SLC2A9: variants seen among roughly 807,000 people sequenced by gnomAD.
SLC2A9 encodes the protein solute carrier family 2, facilitated glucose transporter member 9.
A neutral mutation model predicts 50.6 loss-of-function variants in SLC2A9; 39 were observed. That is an observed-to-expected ratio of 0.77 (90% confidence interval 0.60 to 1.01). The LOEUF is 1.01. SLC2A9 is among the 50% of genes least tolerant of loss of function. The probability of loss-of-function intolerance (pLI) is 0.00; values close to 1 mark genes in which losing one functional copy is unlikely to be tolerated. For missense variants in SLC2A9, 686 were observed against 677.6 expected (o/e 1.01, Z -0.14); for synonymous variants, 324 against 276.9 (o/e 1.17, Z -1.69).
chr4:9,890,237 C>T (rs1469625623), intron 9 of SLC2A9, among the ~76,000 whole-genome samples: 1 of 152,206 alleles, frequency 6.6e-6, no homozygotes, highest in Non-Finnish European at 1.5e-5. Context: ...TGATATGCAG[C>T]ACCTGGCACT....
chr4:9,854,814 A>G (rs906919200), intron 10 of SLC2A9, among the ~76,000 whole-genome samples: 2 of 152,334 alleles, frequency 1.3e-5, no homozygotes, highest in African/African-American at 2.4e-5. Context: ...TGACATATAC[A>G]AATCAATAGA....
In SLC2A9 at chr4:9,962,920, A is replaced by G. The variant is rs144857144; in HGVS notation, c.681+17672T>C. On this transcript the variant is annotated intron_variant, in intron 5 of 11. Coordinates refer to ENST00000264784, the MANE Select transcript of SLC2A9 (RefSeq NM_020041.3). ...TTCTTTTTTTGTTTTTGCACTGGCT[A>G]TTCCCTGTGCCTGGAATGGTGTTTT... Among the ~76,000 whole-genome samples the G allele has an allele frequency of 2.3e-3, 347 of 152,208 alleles. 1 individual carries two copies. The highest frequency in any genetic ancestry group is 7.7e-3 in the African/African-American group (319 of 41,532).
chr4:9,912,633 A>T (rs961797403), intron 7 of SLC2A9, among the ~76,000 whole-genome samples: 1 of 152,266 alleles, frequency 6.6e-6, no homozygotes, highest in African/African-American at 2.4e-5. Context: ...AGGGTCCATA[A>T]GAGTAAACAT....
At position 9,993,852 on chromosome 4, in the gene SLC2A9, G is replaced by GC. The variant is rs577159114; in HGVS notation, c.410+2928dup. Among the ~76,000 whole-genome samples, 453 of 152,252 alleles carry GC rather than the reference G, an allele frequency of 3.0e-3. 1 individual carries two copies. The highest frequency in any genetic ancestry group is 4.8e-3 in the Non-Finnish European group (328 of 68,006). ...GGCCCATCTCCAGAGACTCTTCCTG[G>GC]CCCCCTTTGCTTCCCTGCCCTCCTT... On this transcript the variant is annotated intron_variant, in intron 3 of 11. Coordinates refer to ENST00000264784, the MANE Select transcript of SLC2A9 (RefSeq NM_020041.3).
intron 3 of SLC2A9, among the ~76,000 whole-genome samples, chr4:9,793,275 C>T (rs1007107256): frequency 7.9e-5 from 12 of 152,258 alleles, no homozygotes; most frequent in East Asian, 1.9e-4. Flanking sequence ...TGTGCAGATG[C>T]GGAAATTGAG....
chr4:9,974,596 A>T (rs1754472175), intron 5 of SLC2A9, among the ~76,000 whole-genome samples: 1 of 152,190 alleles, frequency 6.6e-6, no homozygotes, highest in Admixed American at 6.5e-5. Flanking sequence ...CATTACTGAA[A>T]GAAATCACAG....
chr4:9,806,676 G>C (rs956096649), intron 3 of SLC2A9, among the ~76,000 whole-genome samples: 1 of 152,226 alleles, frequency 6.6e-6, no homozygotes, highest in Non-Finnish European at 1.5e-5. Context: ...GTGTGCATGG[G>C]GGGTGGGAGG....
Position 9,826,357 on chromosome 4 carries a change from T to A in SLC2A9, c.*40A>T, listed in dbSNP as rs1225414307. 1 of 1,599,148 alleles carries A rather than the reference T, an allele frequency of 6.3e-7. No homozygotes were observed. The highest frequency in any genetic ancestry group is 8.6e-7 in the Non-Finnish European group (1 of 1,166,358). On this transcript the variant is annotated 3_prime_UTR_variant, in exon 12 of 12. Coordinates refer to ENST00000264784, the MANE Select transcript of SLC2A9 (RefSeq NM_020041.3). Reference sequence around the variant, plus strand: ...GTGAGATCATCCATGTAGACAATCCTGTTTTTGACATAATTGTCCAACGTG... The same window carrying A: ...GTGAGATCATCCATGTAGACAATCCAGTTTTTGACATAATTGTCCAACGTG...
intron 5 of SLC2A9, among the ~76,000 whole-genome samples, chr4:9,968,569 A>C (rs1394729765): frequency 6.6e-6 from 1 of 152,192 alleles, no homozygotes; most frequent in Non-Finnish European, 1.5e-5. Context: ...GTTCCATGTA[A>C]CCAGGGAATT....
rs145895817 is a variant in SLC2A9 at position 9,806,939 on chromosome 4, T to C, written n.421-7698A>G. Among the ~76,000 whole-genome samples the C allele has an allele frequency of 3.3e-3, 500 of 152,300 alleles. 4 individuals carry two copies. The highest frequency in any genetic ancestry group is 0.011 in the African/African-American group (473 of 41,562). On this transcript the variant is annotated intron_variant and non_coding_transcript_variant, in intron 3 of 3. Transcript: ENST00000503280. ...TTTAAGACTCTTGAAGACTGAAAGA[T>C]ACCAAACTCATCGATTTCCTCCTGA...
intron 10 of SLC2A9, among the ~76,000 whole-genome samples, chr4:9,869,700 C>T (rs901626590): frequency 6.6e-6 from 1 of 152,232 alleles, no homozygotes; most frequent in African/African-American, 2.4e-5. Context: ...TAGCTTAGAC[C>T]TAGCACAGTG....
intron 9 of SLC2A9, among the ~76,000 whole-genome samples, chr4:9,889,613 G>GCAC (rs1736982517): frequency 6.6e-6 from 1 of 152,136 alleles, no homozygotes. Flanking sequence ...TCTTCAAAGG[G>GCAC]CACCCATCAG....
downstream of SLC2A9, among the ~76,000 whole-genome samples, chr4:9,776,279 C>T (rs1241122207): frequency 6.6e-6 from 1 of 150,834 alleles, no homozygotes; most frequent in Non-Finnish European, 1.5e-5. Context: ...AGGAGAGTGG[C>T]TTAGAAGAAG....
At chr4:9,917,310 A>T (rs1743027980) in intron 7 of SLC2A9, among the ~76,000 whole-genome samples, 1 of 149,888 alleles carries the variant, frequency 6.7e-6, no homozygotes. Flanking sequence ...CAACTTTTGA[A>T]TAATTTCTTT....
At chr4:9,780,895 GTGCCC>G (rs1163904721) in intron 3 of SLC2A9, among the ~76,000 whole-genome samples, 2 of 152,146 alleles carry the variant, frequency 1.3e-5, no homozygotes, top group Non-Finnish European at 2.9e-5. Context: ...GGCTGTAAAA[GTGCCC>G]TGCAAAGAAG....
At chr4:10,013,840 T>G (rs543553825) in intron 2 of SLC2A9, among the ~76,000 whole-genome samples, 1 of 152,202 alleles carries the variant, frequency 6.6e-6, no homozygotes, top group East Asian at 1.9e-4. Context: ...ATCTAACAGC[T>G]GGAAAGGCGA....
chr4:9,998,246 G>A (rs1426915895), intron 2 of SLC2A9, among the ~76,000 whole-genome samples: 2 of 152,168 alleles, frequency 1.3e-5, no homozygotes, highest in African/African-American at 4.8e-5. Context: ...GCTACCCAAC[G>A]TGAGCCCGCA....
At chr4:9,900,248 C>T (rs1739351350) in intron 8 of SLC2A9, among the ~76,000 whole-genome samples, 3 of 152,136 alleles carry the variant, frequency 2.0e-5, no homozygotes. Context: ...TGAGCCACAT[C>T]CGCACTTTCC....
At chr4:9,788,808 G>GT (rs1458802285) in intron 3 of SLC2A9, among the ~76,000 whole-genome samples, 1 of 152,084 alleles carries the variant, frequency 6.6e-6, no homozygotes, top group Non-Finnish European at 1.5e-5. Flanking sequence ...TCTTTGAGTA[G>GT]TTTTTTACTT....
Sources: allele counts gnomAD v4.1 joint callset (sites outside exome capture counted in the v4.1 genomes callset), GRCh38; gene constraint gnomAD v4.1.1; transcripts MANE v1.5; gene names NCBI Gene and HGNC (gene_info 2026-07-23, HGNC 2026-07-21).